The following FRMD1 variants were observed in gnomAD, a reference collection of about 807,000 sequenced individuals.
FRMD1 encodes the protein FERM domain containing 1, also known as FERM domain-containing protein 1.
In FRMD1, 51 loss-of-function variants were observed where a neutral mutation model predicts 54.9. The ratio of observed to expected loss-of-function variants is 0.93; its 90% CI spans 0.74 to 1.17. FRMD1 has a LOEUF of 1.17. Among genes scored for constraint, FRMD1 ranks in the 50% most tolerant of loss-of-function variants. FRMD1 has a pLI of 0.00. For missense variants in FRMD1, 729 were observed against 743.0 expected (o/e 0.98, Z 0.22); for synonymous variants, 324 against 306.4 (o/e 1.06, Z -0.60).
intron 1 of FRMD1, among the ~76,000 whole-genome samples, chr6:168,076,374 T>C (rs924840857): frequency 6.6e-6 from 1 of 152,254 alleles, no homozygotes; most frequent in African/African-American, 2.4e-5. Flanking sequence ...GACTTCCTTA[T>C]TGATATGGTT....
In FRMD1 at chr6:168,062,658, C is replaced by T. The variant is rs1583174427; in HGVS notation, c.870+236G>A. ...CAGGCTTTCCAGGGCACGGGGACCC[C>T]CCAGACACCCACCAGAAATGCCAGC... is the stretch of plus-strand genomic sequence containing the variant. On this transcript the variant is annotated intron_variant, in intron 7 of 10. Transcript: ENST00000283309. 6 of 1,550,270 alleles carry T rather than the reference C, an allele frequency of 3.9e-6. No homozygotes were observed. The East Asian group carries it at 1.5e-4, about 38-fold the overall frequency.
At chr6:168,070,066 A>G (rs898845187) in intron 2 of FRMD1, among the ~76,000 whole-genome samples, 6 of 152,146 alleles carry the variant, frequency 3.9e-5, no homozygotes, top group African/African-American at 1.4e-4. Context: ...CCACAAAAAA[A>G]TACAAAAGGT....
At chr6:168,081,315 C>G, upstream of FRMD1, 2 of 1,485,260 alleles carry the variant, frequency 1.3e-6, no homozygotes, top group Admixed American at 2.1e-5. Context: ...AAGGCAGAGG[C>G]GTGACCGGGC....
At chr6:168,057,459 G>A (rs1017796955) in intron 10 of FRMD1, 120 bp from the exon 11 acceptor site, 16 of 1,435,090 alleles carry the variant, frequency 1.1e-5, no homozygotes, top group African/African-American at 8.5e-5. Context: ...ACCCTGCGCC[G>A]CAGTGCATGG....
At position 168,079,057 on chromosome 6, in the gene FRMD1, G is replaced by T. The variant is rs756565455; in HGVS notation, c.38C>A (p.Ala13Asp). 2.5e-6 allele frequency: 4 copies of T among 1,609,916 alleles called. No individual in the cohort carries two copies. The highest frequency in any genetic ancestry group is 1.7e-5 in the Admixed American group (1 of 59,998). Residue 13 changes from alanine to aspartate, a missense_variant, in exon 1 of 11, where the codon GCC (alanine) becomes GAC (aspartate). Coordinates refer to ENST00000283309, the MANE Select transcript of FRMD1 (RefSeq NM_024919.6). Reference protein sequence around the residue: ...VPPRGRGIDPARTNPDTFPPS... With the variant: ...VPPRGRGIDPDRTNPDTFPPS... ...AGGGAACGTGTCAGGGTTTGTCCGG[G>T]CGGGGTCTATGCCCCTCCCTCTCGG...
chr6:168,072,605 C>T (rs1337708042), intron 2 of FRMD1, among the ~76,000 whole-genome samples: 1 of 152,208 alleles, frequency 6.6e-6, no homozygotes, highest in Non-Finnish European at 1.5e-5. Flanking sequence ...TGTCGGTGAA[C>T]GTCCGGCGGT....
rs566319731 is a variant in FRMD1 at position 168,053,577 on chromosome 6, C to T, written c.*3520G>A. The stretch of plus-strand genomic sequence containing the variant: ...CACACCCACAGGGCCCTCAGTGCCC[C>T]TCAAGGCGAAAGGAGCGTGACGGAT... On this transcript the variant is annotated 3_prime_UTR_variant, in exon 11 of 11. Transcript: ENST00000283309. The T allele has an allele frequency of 3.3e-5, 5 of 152,452 alleles. No homozygotes were observed. In the East Asian group the frequency reaches 9.6e-4, roughly 29 times the overall value. 9.4% of individuals were successfully genotyped at this position (152,452 alleles called of 1,614,324 possible). A position where few individuals can be genotyped will look rare whatever the true frequency, so the allele number is the denominator to read the frequency against.
chr6:168,061,916 C>T lies in FRMD1; in HGVS notation c.936G>A (p.Gly312=), dbSNP rs1261410469. 34 of 1,599,168 alleles carry T rather than the reference C, an allele frequency of 2.1e-5. No homozygotes were observed. The highest frequency in any genetic ancestry group is 2.6e-5 in the Non-Finnish European group (31 of 1,174,210). ...GCAGGTGCCTGGACCGCCAGGTGCA[C>T]CCCGTGTAGTAAACCAGCTTCTGTG... ...PAAQKLVYYT[G]CTWRSRHLLH... is the part of the protein sequence containing the mutation. The change falls in exon 8 of 11, where the codon GGG becomes GGA. Residue 312 remains glycine (G), a synonymous_variant. Coordinates refer to ENST00000283309, the MANE Select transcript of FRMD1 (RefSeq NM_024919.6).
chr6:168,066,679 C>T, intron 4 of FRMD1, 76 bp downstream of exon 4: 1 of 1,515,950 alleles, frequency 6.6e-7, no homozygotes, highest in East Asian at 2.3e-5. Flanking sequence ...AATGTGTGGC[C>T]TTCAGGGGAC....
At position 168,065,986 on chromosome 6, in the gene FRMD1, A is replaced by C. The variant is rs527946388; in HGVS notation, c.461+769T>G. 5.2e-5 allele frequency: 52 copies of C among 1,000,244 alleles called. No homozygotes were observed. The South Asian group carries it at 2.0e-3, about 39-fold the overall frequency. The allele number at this position is 1,000,244 out of a possible 1,614,324, so 62.0% of individuals were successfully genotyped here. A position where few individuals can be genotyped will look rare whatever the true frequency, so the allele number is the denominator to read the frequency against. On this transcript the variant is annotated intron_variant, in intron 4 of 10. Coordinates refer to ENST00000283309, the MANE Select transcript of FRMD1 (RefSeq NM_024919.6). ...AGAAGCTCTAAGGCAGCTCTGGAAG[A>C]AGCAGCCCCCGTTGGTTTAGAGTGC...
At chr6:168,060,178 TG>T (rs1799643396) in intron 9 of FRMD1, among the ~76,000 whole-genome samples, 2 of 30,984 alleles carry the variant, frequency 6.5e-5, no homozygotes, top group East Asian at 2.1e-3. Context: ...TTCTTAGGAA[TG>T]GGGGGCTTCC....
rs1799936947 is a variant in FRMD1, at chr6:168,064,727, A to G, written c.648+144T>C. 2.9e-6 allele frequency: 4 copies of G among 1,401,904 alleles called. No individual in the cohort carries two copies. In the South Asian group the frequency reaches 4.5e-5, roughly 16 times the overall value. 86.8% of individuals were successfully genotyped at this position (1,401,904 alleles called of 1,614,324 possible). A position where few individuals can be genotyped will look rare whatever the true frequency, so the allele number is the denominator to read the frequency against. ...CCTTGGGCCTTCAGGACAGAAGGAC[A>G]GGTGATTGCCCTGTTTCCATCCCTG... On this transcript the variant is annotated intron_variant, in intron 5 of 10. Transcript: ENST00000283309.
chr6:168,089,240 G>C (rs1389825403), intron 1 of FRMD1, among the ~76,000 whole-genome samples: 1 of 152,232 alleles, frequency 6.6e-6, no homozygotes, highest in African/African-American at 2.4e-5. Context: ...CAGCTGTATA[G>C]GGAGATCCTT....
rs1800063877 is a variant in FRMD1 at position 168,066,947 on chromosome 6, C to G, written c.385-116G>C. On this transcript the variant is annotated intron_variant, in intron 3 of 10. Coordinates refer to ENST00000283309, the MANE Select transcript of FRMD1 (RefSeq NM_024919.6). ...TCACACTCAGCTTAAAGTCGAAGCT[C>G]AGGTGTCTGCAGCCATAGCTGACAA... The G allele has an allele frequency of 6.3e-6, 8 of 1,261,774 alleles. No individual in the cohort carries two copies. In the South Asian group the frequency reaches 1.1e-4, roughly 17 times the overall value. The allele number at this position is 1,261,774 out of a possible 1,614,324, so 78.2% of individuals were successfully genotyped here. A position where few individuals can be genotyped will look rare whatever the true frequency, so the allele number is the denominator to read the frequency against.
chr6:168,084,879 G>A (rs1800892641), upstream of FRMD1, among the ~76,000 whole-genome samples: 1 of 152,188 alleles, frequency 6.6e-6, no homozygotes. Flanking sequence ...CCCAAATGAG[G>A]GTGGCAACCA....
intron 2 of FRMD1, among the ~76,000 whole-genome samples, chr6:168,069,209 C>G (rs1011457234): frequency 7.9e-5 from 12 of 152,356 alleles, no homozygotes; most frequent in African/African-American, 2.6e-4. Flanking sequence ...CACCCCATAA[C>G]AGGCCAAGGA....
chr6:168,064,376 C>A (rs1157853520), intron 5 of FRMD1, among the ~76,000 whole-genome samples: 1 of 152,222 alleles, frequency 6.6e-6, no homozygotes, highest in East Asian at 1.9e-4. Context: ...GGCCAGACAG[C>A]GCCTGGGACT....
chr6:168,067,250 C>A lies in FRMD1; in HGVS notation c.384+117G>T, dbSNP rs576578643. On this transcript the variant is annotated intron_variant, in intron 3 of 10. Coordinates refer to ENST00000283309, the MANE Select transcript of FRMD1 (RefSeq NM_024919.6). Reference sequence around the variant, plus strand: ...CCCTGCTCTCTCCCAACCCACGCATCCCCGCGGTCCCCCACAGCCCACCGC... The same window carrying A: ...CCCTGCTCTCTCCCAACCCACGCATACCCGCGGTCCCCCACAGCCCACCGC... The A allele has an allele frequency of 4.5e-4, 311 of 692,746 alleles. 6 individuals carry two copies. In the South Asian group the frequency reaches 4.9e-3, roughly 11 times the overall value. 42.9% of individuals were successfully genotyped at this position (692,746 alleles called of 1,614,324 possible).
intron 7 of FRMD1, chr6:168,062,637 C>A: frequency 1.3e-6 from 2 of 1,538,112 alleles, no homozygotes; most frequent in Non-Finnish European, 1.8e-6. Flanking sequence ...TCTGCCCAGG[C>A]TTTCCAGGGC....
Sources: gnomAD v4.1 joint callset for allele counts (sites outside exome capture counted in the v4.1 genomes callset) on GRCh38, gnomAD v4.1.1 for gene constraint, MANE v1.5 for transcripts, NCBI Gene and HGNC (gene_info 2026-07-23, HGNC 2026-07-21) for gene names.